USP35: variants seen among roughly 807,000 people sequenced by gnomAD.
The protein encoded by USP35 is ubiquitin specific peptidase 35.
In USP35, 69 loss-of-function variants were observed where a neutral mutation model predicts 83.8. That is an observed-to-expected ratio of 0.82 (90% CI 0.68 to 1.01). The LOEUF is 1.01. USP35 is among the 50% of genes least tolerant of loss of function. USP35 has a pLI of 0.00. For missense variants in USP35, 1,503 were observed against 1,362.5 expected (o/e 1.10, Z -1.62); for synonymous variants, 714 against 589.5 (o/e 1.21, Z -3.06).
intron 6 of USP35, among the ~76,000 whole-genome samples, chr11:78,203,830 G>T (rs1195547781): frequency 6.7e-6 from 1 of 150,028 alleles, no homozygotes; most frequent in Non-Finnish European, 1.5e-5. Flanking sequence ...CAGCCATCTC[G>T]ACTTCCCAAA....
intron 8 of USP35, among the ~76,000 whole-genome samples, chr11:78,208,065 G>A (rs970105534): frequency 6.6e-6 from 1 of 152,194 alleles, no homozygotes; most frequent in African/African-American, 2.4e-5. Flanking sequence ...GAGCATGCAT[G>A]AGAGAAGGGA....
chr11:78,200,050 T>C lies in USP35; in HGVS notation c.937-83T>C, dbSNP rs1863293699. The C allele has an allele frequency of 7.5e-6, 11 of 1,465,424 alleles. No individual in the cohort carries two copies. In the South Asian group the frequency reaches 1.1e-4, roughly 15 times the overall value. The allele number at this position is 1,465,424 out of a possible 1,614,324, so 90.8% of individuals were successfully genotyped here. ...GCATGGGTTTGAACTCTAGGGTGTCTCTGAGTCCCCTCTCAGGCTTGTGAT... is the reference window on the plus strand; with the variant it reads ...GCATGGGTTTGAACTCTAGGGTGTCCCTGAGTCCCCTCTCAGGCTTGTGAT... On this transcript the variant is annotated intron_variant, in intron 4 of 10. Transcript: ENST00000529308.
At chr11:78,235,754 C>T in the USP35 span, among the ~76,000 whole-genome samples, 3 of 152,294 alleles carry the variant, frequency 2.0e-5, no homozygotes, top group African/African-American at 7.2e-5. Context: ...CCTTATTGTC[C>T]ATATCGCTAT....
chr11:78,196,848 GC>G lies in USP35; in HGVS notation c.604del (p.Leu202CysfsTer57). ...AQQVSGLLAQLWRAQPAAILP... is the reference protein window; with the variant it reads ...AQQVSGLLAQXWRAQPAAILP... The stretch of plus-strand genomic sequence containing the variant: ...AGCAGGTGAGCGGGCTCCTGGCGCA[GC>G]TGTGGCGCGCACAGCCCGCCGCCAT... On this transcript the variant is annotated frameshift_variant, in exon 2 of 11. Transcript: ENST00000529308. LOFTEE classifies it high-confidence loss of function. This position sits in a 1 kb window ranked among gnomAD's most constrained non-coding sequence, Gnocchi z 4.8. 1 of 1,517,958 alleles carries G rather than the reference GC, an allele frequency of 6.6e-7. No homozygotes were observed. Among genetic ancestry groups the G allele is most frequent in the Non-Finnish European group, 8.8e-7 (1 of 1,137,824 alleles). 94.0% of individuals were successfully genotyped at this position (1,517,958 alleles called of 1,614,324 possible). A position where few individuals can be genotyped will look rare whatever the true frequency, so the allele number is the denominator to read the frequency against.
Position 78,196,172 on chromosome 11 carries a change from C to G in USP35, c.-10-64C>G. The G allele has an allele frequency of 6.7e-7, 1 of 1,499,616 alleles. No homozygotes were observed. The allele number at this position is 1,499,616 out of a possible 1,614,324, so 92.9% of individuals were successfully genotyped here. On this transcript the variant is annotated intron_variant, in intron 1 of 10. Coordinates refer to ENST00000529308, the MANE Select transcript of USP35 (RefSeq NM_020798.4). This position sits in a 1 kb window ranked among gnomAD's most constrained non-coding sequence, Gnocchi z 4.8. ...TGCCCTAAGTCTCAGCACTCGGGGA[C>G]TGCACCGGGAACTCTTGAGCCCCGC...
chr11:78,223,746 T>G, the USP35 span: 4 of 1,314,444 alleles, frequency 3.0e-6, no homozygotes, highest in Non-Finnish European at 4.2e-6. Flanking sequence ...GGTAAGACTT[T>G]GTAAATGAGG....
chr11:78,204,015 C>G (rs1010468210), intron 6 of USP35, among the ~76,000 whole-genome samples: 12 of 142,812 alleles, frequency 8.4e-5, no homozygotes, highest in Non-Finnish European at 1.8e-4. Flanking sequence ...CTCAGCCTCC[C>G]AAGTAGCTGG....
chr11:78,198,684 C>G, intron 3 of USP35: 1 of 985,422 alleles, frequency 1.0e-6, no homozygotes, highest in Non-Finnish European at 1.2e-6. Context: ...TCCTGGATTC[C>G]TTGCCTTTAG....
the USP35 span, chr11:78,223,826 A>T: frequency 1.6e-6 from 1 of 634,894 alleles, no homozygotes. Flanking sequence ...ACCAAATAAG[A>T]AAGCAGAGTA....
chr11:78,225,430 ACTACT>A, the USP35 span, among the ~76,000 whole-genome samples: 1 of 152,148 alleles, frequency 6.6e-6, no homozygotes, highest in African/African-American at 2.4e-5. Flanking sequence ...GCTGTCCTTG[ACTACT>A]CTACCCTCAT....
At chr11:78,191,031 C>T (rs577881732) in intron 1 of USP35, among the ~76,000 whole-genome samples, 2 of 152,096 alleles carry the variant, frequency 1.3e-5, no homozygotes, top group Non-Finnish European at 2.9e-5. Flanking sequence ...GGGGCATGGA[C>T]GGAATGGTGC....
intron 1 of USP35, among the ~76,000 whole-genome samples, chr11:78,195,390 C>T (rs893800417): frequency 6.6e-6 from 1 of 152,176 alleles, no homozygotes; most frequent in African/African-American, 2.4e-5. Flanking sequence ...GCACAGCACA[C>T]ACACGAAGTG....
rs753444653 is a variant in USP35, at chr11:78,200,707, G to A, written c.1096G>A (p.Gly366Arg). ...TCTGGTCAAGGAGGACTCGAACTCG[G>A]GGACCAGCTGCCTGGAGCAGCTGGC... ...ASLVKEDSNS[G>R]TSCLEQLAEL... Residue 366 changes from glycine to arginine, a missense_variant, in exon 6 of 11, where the codon GGG becomes AGG. Coordinates refer to ENST00000529308, the MANE Select transcript of USP35 (RefSeq NM_020798.4). The A allele has an allele frequency of 1.1e-5, 17 of 1,614,000 alleles. No individual in the cohort carries two copies. The Admixed American group carries it at 2.7e-4, about 25-fold the overall frequency.
chr11:78,209,542 T>C lies in USP35; in HGVS notation c.1687T>C (p.Ser563Pro). 1 of 1,614,092 alleles carries C rather than the reference T, an allele frequency of 6.2e-7. No individual in the cohort carries two copies. The highest frequency in any genetic ancestry group is 8.5e-7 in the Non-Finnish European group (1 of 1,179,984). ...SPPEEPPAPS[S>P]TSVEKMFGGK... ...GCCCGAGGAGCCCCCGGCCCCAAGT[T>C]CAACCTCTGTGGAAAAAATGTTTGG... The change falls in exon 10 of 11, where the codon TCA becomes CCA. Residue 563 changes from serine (S) to proline (P), a missense_variant. By Grantham distance (74) the Ser-to-Pro change is moderately conservative (BLOSUM62 -1). Transcript: ENST00000529308.
At chr11:78,192,954 C>A (rs531887746) in intron 1 of USP35, among the ~76,000 whole-genome samples, 366 of 152,234 alleles carry the variant, frequency 2.4e-3, no homozygotes, top group African/African-American at 8.4e-3. Flanking sequence ...TTCTGCCTGC[C>A]CCCATGCCCT....
chr11:78,210,771 C>G (rs377304444), intron 10 of USP35, 27 bp downstream of exon 10: 2 of 1,507,064 alleles, frequency 1.3e-6, no homozygotes, highest in African/African-American at 1.4e-5. Flanking sequence ...GGCCTTTGAT[C>G]TGATCTCTTG....
At chr11:78,203,992 G>T (rs1863452569) in intron 6 of USP35, among the ~76,000 whole-genome samples, 1 of 141,742 alleles carries the variant, frequency 7.1e-6, no homozygotes, top group Non-Finnish European at 1.5e-5. Context: ...CCGGGTTCAC[G>T]CCATTCTCCT....
Position 78,214,307 on chromosome 11 carries a change from C to T in USP35, c.*494C>T, listed in dbSNP as rs1241290323. 3 of 143,782 alleles carry T rather than the reference C, an allele frequency of 2.1e-5. No individual in the cohort carries two copies. Among genetic ancestry groups the T allele is most frequent in the East Asian group, 4.1e-4 (2 of 4,868 alleles). 8.9% of individuals were successfully genotyped at this position (143,782 alleles called of 1,614,324 possible). A position where few individuals can be genotyped will look rare whatever the true frequency, so the allele number is the denominator to read the frequency against. ...CTCATATGGGGGTGGGGGGTACCTGCACTGTCTGTACCTTTCTGAGAAGAA... is the reference window on the plus strand; with the variant it reads ...CTCATATGGGGGTGGGGGGTACCTGTACTGTCTGTACCTTTCTGAGAAGAA... On this transcript the variant is annotated 3_prime_UTR_variant, in exon 11 of 11. Coordinates refer to ENST00000529308, the MANE Select transcript of USP35 (RefSeq NM_020798.4).
At chr11:78,234,638 A>G in the USP35 span, among the ~76,000 whole-genome samples, 1 of 149,254 alleles carries the variant, frequency 6.7e-6, no homozygotes, top group African/African-American at 2.4e-5. Context: ...ATTTATATAC[A>G]TATATGTATT....
Sources: gnomAD v4.1 joint callset for allele counts (sites outside exome capture counted in the v4.1 genomes callset) on GRCh38, gnomAD v4.1.1 for gene constraint, Gnocchi (gnomAD v3.1) non-coding constraint, MANE v1.5 for transcripts, NCBI Gene and HGNC (gene_info 2026-07-23, HGNC 2026-07-21) for gene names.